SUB1: variants seen among roughly 807,000 people sequenced by gnomAD.
SUB1 encodes the protein SUB1 regulator of transcription, also known as activated RNA polymerase II transcriptional coactivator p15.
In SUB1, 1 loss-of-function variant was observed where a neutral mutation model predicts 16.9. That is an observed-to-expected ratio of 0.06 (90% confidence interval 0.02 to 0.28). SUB1 has a LOEUF of 0.28. Ranked by LOEUF, SUB1 falls within the 10% of genes least tolerant of loss-of-function variation. The pLI, the probability that SUB1 is intolerant of heterozygous loss-of-function variation, is 1.00. For missense variants in SUB1, 84 were observed against 145.2 expected (o/e 0.58, Z 2.16); for synonymous variants, 51 against 46.9 (o/e 1.09, Z -0.36).
chr5:32,587,209 T>G (rs1738695887), intron 1 of SUB1, among the ~76,000 whole-genome samples: 1 of 152,002 alleles, frequency 6.6e-6, no homozygotes, highest in Admixed American at 6.5e-5. Context: ...TTGCAACCTC[T>G]GGCATAAATG....
At chr5:32,590,544 G>A (rs1287712615) in intron 2 of SUB1, among the ~76,000 whole-genome samples, 1 of 149,490 alleles carries the variant, frequency 6.7e-6, no homozygotes, top group African/African-American at 2.5e-5. Flanking sequence ...GGCTGTCAGT[G>A]CCCAGTGCAA....
At chr5:32,598,834 G>T in intron 3 of SUB1, 127 bp from the exon 4 acceptor site, 1 of 698,712 alleles carries the variant, frequency 1.4e-6, no homozygotes, top group Non-Finnish European at 2.5e-6. Context: ...GTTGTTCAAG[G>T]GTCAGCAGTA....
intron 3 of SUB1, among the ~76,000 whole-genome samples, chr5:32,592,533 A>G (rs1246546957): frequency 6.6e-6 from 1 of 152,200 alleles, no homozygotes; most frequent in Non-Finnish European, 1.5e-5. Context: ...TGGGGAATAA[A>G]TGAATGCAGG....
chr5:32,599,430 C>G (rs780372199), intron 4 of SUB1, among the ~76,000 whole-genome samples: 2 of 152,208 alleles, frequency 1.3e-5, no homozygotes, highest in African/African-American at 2.4e-5. Context: ...CCTTTTGATT[C>G]AGCTCCTAAA....
At chr5:32,586,704 T>C (rs1738679069) in intron 1 of SUB1, among the ~76,000 whole-genome samples, 3 of 152,206 alleles carry the variant, frequency 2.0e-5, no homozygotes, top group Admixed American at 2.0e-4. Context: ...TTTTAAAAAA[T>C]ATCTTTTTGT....
rs112890855 is a variant in SUB1 at position 32,600,605 on chromosome 5, A to G, written c.305-400A>G. Reference sequence around the variant, plus strand: ...TATTGTAGCATTGTGTCCAAGTGGCAATTTTTTTTTTTTTTTTAGATGGAG... The same window carrying G: ...TATTGTAGCATTGTGTCCAAGTGGCGATTTTTTTTTTTTTTTTAGATGGAG... On this transcript the variant is annotated intron_variant, in intron 4 of 4. Coordinates refer to ENST00000265073, the MANE Select transcript of SUB1 (RefSeq NM_006713.4). 3.2e-3 allele frequency among the ~76,000 whole-genome samples: 457 copies of G among 144,744 alleles called. 1 individual carries two copies. The highest frequency in any genetic ancestry group is 0.013 in the African/African-American group (444 of 35,068). 95.0% of individuals were successfully genotyped at this position (144,744 alleles called of 152,430 possible). A position where few individuals can be genotyped will look rare whatever the true frequency, so the allele number is the denominator to read the frequency against.
intron 1 of SUB1, 75 bp downstream of exon 1, chr5:32,585,700 C>T (rs1191358241): frequency 1.3e-5 from 2 of 152,394 alleles, no homozygotes; most frequent in African/African-American, 2.4e-5. Context: ...CTGCCTTCGG[C>T]CCTCCACTCC....
At chr5:32,591,819 C>A (rs897368978) in intron 3 of SUB1, 134 bp downstream of exon 3, 3 of 1,066,060 alleles carry the variant, frequency 2.8e-6, no homozygotes, top group East Asian at 3.1e-5. Context: ...TCTGCCTCAG[C>A]CTCCCGAGTA....
At chr5:32,599,124 T>G (rs1739052928) in intron 4 of SUB1, 55 bp downstream of exon 4, 3 of 1,290,376 alleles carry the variant, frequency 2.3e-6, no homozygotes, top group African/African-American at 1.5e-5. Flanking sequence ...CGACAACTTT[T>G]CTGAGTAGCT....
intron 3 of SUB1, among the ~76,000 whole-genome samples, chr5:32,592,607 T>C (rs529832377): frequency 3.3e-5 from 5 of 152,204 alleles, no homozygotes; most frequent in Non-Finnish European, 4.4e-5. Context: ...TTAGATGGTT[T>C]TTCCTAAAGA....
At chr5:32,600,417 C>T (rs984694248) in intron 4 of SUB1, among the ~76,000 whole-genome samples, 7 of 152,178 alleles carry the variant, frequency 4.6e-5, no homozygotes, top group Admixed American at 6.5e-5. Flanking sequence ...TGATAGTTGA[C>T]GGGTATTAGT....
intron 2 of SUB1, among the ~76,000 whole-genome samples, chr5:32,588,882 AC>A (rs1476681728): frequency 6.6e-5 from 10 of 152,140 alleles, no homozygotes; most frequent in Admixed American, 6.5e-4. Flanking sequence ...TGGTCTCTGG[AC>A]CACTTGACTA....
chr5:32,599,274 A>C (rs1292447232), intron 4 of SUB1, among the ~76,000 whole-genome samples: 1 of 152,224 alleles, frequency 6.6e-6, no homozygotes, highest in Non-Finnish European at 1.5e-5. Context: ...AATAAAACCC[A>C]GAAAAGTAAC....
intron 2 of SUB1, 29 bp downstream of exon 2, chr5:32,588,613 G>C: frequency 6.2e-7 from 1 of 1,602,494 alleles, no homozygotes; most frequent in Non-Finnish European, 8.5e-7. Context: ...AGTCATTTTG[G>C]TGATACTCAA....
At chr5:32,594,839 G>C (rs1738918215) in intron 3 of SUB1, 1 of 185,248 alleles carries the variant, frequency 5.4e-6, no homozygotes, top group African/African-American at 2.3e-5. Context: ...TGGAAAAATT[G>C]TCTTCCGTGA....
intron 4 of SUB1, among the ~76,000 whole-genome samples, chr5:32,599,765 T>C (rs1739071125): frequency 1.3e-5 from 2 of 152,330 alleles, no homozygotes; most frequent in South Asian, 4.1e-4. Flanking sequence ...TTTCTTCAAG[T>C]CACTTCTGGA....
intron 4 of SUB1, 71 bp downstream of exon 4, chr5:32,599,140 G>C: frequency 8.9e-7 from 1 of 1,126,772 alleles, no homozygotes; most frequent in Non-Finnish European, 1.3e-6. Flanking sequence ...TAGCTTACTT[G>C]AAATGTTGGC....
rs1199741650 is a variant in SUB1 at position 32,588,428 on chromosome 5, A to AT, written c.-1-77dup. 3.2e-6 allele frequency: 4 copies of AT among 1,260,126 alleles called. No homozygotes were observed. In the African/African-American group the frequency reaches 4.5e-5, roughly 14 times the overall value. The allele number at this position is 1,260,126 out of a possible 1,614,324, so 78.1% of individuals were successfully genotyped here. On this transcript the variant is annotated intron_variant, in intron 1 of 4. Transcript: ENST00000265073. Reference sequence around the variant, plus strand: ...GAATGAACCGTGGAACTTGTCCTTGATTTTTTTCTTTGATTGGGGGAGAGC... The same window carrying AT: ...GAATGAACCGTGGAACTTGTCCTTGATTTTTTTTCTTTGATTGGGGGAGAGC...
chr5:32,593,480 A>G (rs2111668434), intron 3 of SUB1, among the ~76,000 whole-genome samples: 1 of 152,274 alleles, frequency 6.6e-6, no homozygotes, highest in East Asian at 1.9e-4. Context: ...AAGATAGACA[A>G]AGTGCAGATG....
Sources: gnomAD v4.1 joint callset for allele counts (sites outside exome capture counted in the v4.1 genomes callset) on GRCh38, gnomAD v4.1.1 for gene constraint, MANE v1.5 for transcripts, NCBI Gene and HGNC (gene_info 2026-07-23, HGNC 2026-07-21) for gene names.